Variants in ANK3 observed in about 807,000 individuals in gnomAD.
ANK3 encodes ankyrin-3.
ANK3 carries 57 observed loss-of-function variants against 370.9 expected under a neutral mutation model. The ratio of observed to expected loss-of-function variants is 0.15; its 90% CI spans 0.12 to 0.19. The LOEUF is 0.19. ANK3 is among the 10% of genes least tolerant of loss of function. The pLI, the probability that ANK3 is intolerant of heterozygous loss-of-function variation, is 1.00. For synonymous variants in ANK3, 1,929 were observed against 1,946.3 expected (o/e 0.99, Z 0.23); for missense variants, 4,439 against 5,302.1 (o/e 0.84, Z 5.06).
intron 8 of ANK3, among the ~76,000 whole-genome samples, chr10:60,221,214 G>A (rs557857390): frequency 7.2e-5 from 11 of 151,972 alleles, no homozygotes; most frequent in South Asian, 4.2e-4. Flanking sequence ...TGAGCAGCTG[G>A]GATTACAGGC....
chr10:60,582,258 C>G (rs1233287927), intron 2 of ANK3, among the ~76,000 whole-genome samples: 1 of 151,786 alleles, frequency 6.6e-6, no homozygotes, highest in Non-Finnish European at 1.5e-5. Context: ...TATCCTGGAA[C>G]TTAAAGTATA....
intron 1 of ANK3, among the ~76,000 whole-genome samples, chr10:60,670,830 G>A (rs924762882): frequency 6.6e-6 from 1 of 152,218 alleles, no homozygotes; most frequent in Non-Finnish European, 1.5e-5. Context: ...GGAGTGTTGT[G>A]CGGCACTTCT....
In ANK3 at chr10:60,141,035, A is replaced by G. The variant is rs1358464872; in HGVS notation, c.2615-1948T>C. 7.1e-6 allele frequency: 7 copies of G among 985,364 alleles called. No homozygotes were observed. The East Asian group carries it at 6.8e-4, about 96-fold the overall frequency. The allele number at this position is 985,364 out of a possible 1,614,324, so 61.0% of individuals were successfully genotyped here. ...CTCAGCTGGGAACACTGGGAGCCTC[A>G]GTTATTTATGGTCCCTGTCAGGTGG... On this transcript the variant is annotated intron_variant, in intron 23 of 43. Transcript: ENST00000280772.
chr10:60,145,395 A>T (rs1297374961), intron 23 of ANK3, among the ~76,000 whole-genome samples: 1 of 152,212 alleles, frequency 6.6e-6, no homozygotes, highest in Non-Finnish European at 1.5e-5. Context: ...TCCTTTAAAA[A>T]GTGATTTTCT....
chr10:60,407,152 A>AT (rs2063472656), intron 2 of ANK3, among the ~76,000 whole-genome samples: 2 of 152,222 alleles, frequency 1.3e-5, no homozygotes, highest in South Asian at 4.1e-4. Flanking sequence ...GAGCAAACAA[A>AT]TTGGTTAACC....
At chr10:60,285,702 C>T (rs1040057124) in intron 1 of ANK3, among the ~76,000 whole-genome samples, 2 of 152,130 alleles carry the variant, frequency 1.3e-5, no homozygotes, top group African/African-American at 2.4e-5. Flanking sequence ...TCCATATCCA[C>T]GTAGTGCTCA....
intron 17 of ANK3, among the ~76,000 whole-genome samples, chr10:60,181,800 A>C (rs2096198115): frequency 2.6e-5 from 4 of 152,086 alleles, no homozygotes; most frequent in African/African-American, 9.7e-5. Flanking sequence ...GGTTGAATGA[A>C]ACCTGTCTCA....
intron 1 of ANK3, among the ~76,000 whole-genome samples, chr10:60,368,948 T>C (rs907646289): frequency 2.0e-5 from 3 of 152,152 alleles, no homozygotes; most frequent in East Asian, 1.9e-4. Context: ...ATACTGACTA[T>C]AGAAGGGAAT....
chr10:60,447,864 G>C (rs2064491316), intron 2 of ANK3, among the ~76,000 whole-genome samples: 1 of 152,072 alleles, frequency 6.6e-6, no homozygotes, highest in African/African-American at 2.4e-5. Flanking sequence ...TAAAAATTAA[G>C]GGGTTGTGAC....
At chr10:60,077,305 T>C (rs1260227018) in intron 36 of ANK3, among the ~76,000 whole-genome samples, 2 of 152,184 alleles carry the variant, frequency 1.3e-5, no homozygotes, top group Non-Finnish European at 2.9e-5. Flanking sequence ...AATGCATGTG[T>C]ACATATACAC....
At chr10:60,446,022 A>G (rs1418068921) in intron 2 of ANK3, among the ~76,000 whole-genome samples, 1 of 152,212 alleles carries the variant, frequency 6.6e-6, no homozygotes, top group Non-Finnish European at 1.5e-5. Context: ...TCAGAGGAGC[A>G]AAAGGAAGGG....
chr10:60,043,191 A>G (rs2076408174), intron 42 of ANK3: 2 of 987,690 alleles, frequency 2.0e-6, no homozygotes, highest in East Asian at 1.1e-4. Context: ...GGAATTGCCA[A>G]TGACTTCCTC....
intron 4 of ANK3, among the ~76,000 whole-genome samples, chr10:60,274,696 G>C (rs1319604904): frequency 6.6e-6 from 1 of 151,996 alleles, no homozygotes; most frequent in Non-Finnish European, 1.5e-5. Flanking sequence ...CCAGCTATTG[G>C]GTTTCCAAAG....
chr10:60,406,354 G>A (rs1454546813), intron 2 of ANK3, among the ~76,000 whole-genome samples: 1 of 152,184 alleles, frequency 6.6e-6, no homozygotes, highest in African/African-American at 2.4e-5. Flanking sequence ...TTTGGCACAA[G>A]GGACTGGTTT....
At chr10:60,271,297 T>A (rs1227151111) in intron 4 of ANK3, among the ~76,000 whole-genome samples, 1 of 152,118 alleles carries the variant, frequency 6.6e-6, no homozygotes, top group Non-Finnish European at 1.5e-5. Context: ...CTTAATCTCC[T>A]GGGCTCAAAC....
At position 60,635,487 on chromosome 10, in the gene ANK3, A is replaced by G. The variant is rs2133344575; in HGVS notation, c.58-20263T>C. ...CTCCTTCTAAGGCCTGATAGACCTA[A>G]TATCAATAGTTTCTGAACACCTTAT... On this transcript the variant is annotated intron_variant, in intron 1 of 43. Coordinates refer to the ANK3 transcript ENST00000373827. 2.0e-5 allele frequency among the ~76,000 whole-genome samples: 3 copies of G among 152,292 alleles called. No homozygotes were observed. In the South Asian group the frequency reaches 6.2e-4, roughly 32 times the overall value.
intron 2 of ANK3, among the ~76,000 whole-genome samples, chr10:60,402,862 T>C (rs1372368192): frequency 6.6e-6 from 1 of 152,168 alleles, no homozygotes; most frequent in Admixed American, 6.5e-5. Flanking sequence ...AAGAACTGCC[T>C]GGCTGATTCC....
At chr10:60,540,803 T>C (rs1180981710) in intron 2 of ANK3, among the ~76,000 whole-genome samples, 2 of 151,974 alleles carry the variant, frequency 1.3e-5, no homozygotes, top group East Asian at 3.8e-4. Flanking sequence ...TTTCCTAAAA[T>C]AATTCTACCT....
At chr10:60,198,640 C>T in intron 13 of ANK3, 103 bp from the exon 14 acceptor site, 1 of 1,050,896 alleles carries the variant, frequency 9.5e-7, no homozygotes, top group Non-Finnish European at 1.4e-6. Flanking sequence ...GAGGTACAAT[C>T]AACTTTTTGA....
Sources: gnomAD v4.1 joint callset for allele counts (sites outside exome capture counted in the v4.1 genomes callset) on GRCh38, gnomAD v4.1.1 for gene constraint, MANE v1.5 for transcripts, NCBI Gene and HGNC (gene_info 2026-07-23, HGNC 2026-07-21) for gene names.